RERE: variants seen among roughly 807,000 people sequenced by gnomAD.
RERE encodes arginine-glutamic acid dipeptide repeats.
Under a neutral mutation model 146.1 loss-of-function variants are expected in RERE, and 40 were observed. That is an observed-to-expected ratio of 0.27 (90% CI 0.21 to 0.36). RERE has a LOEUF of 0.36. RERE is among the 10% of genes least tolerant of loss of function. The pLI is 1.00. For synonymous variants in RERE, 1,003 were observed against 866.0 expected (o/e 1.16, Z -2.78); for missense variants, 1,933 against 2,138.7 (o/e 0.90, Z 1.90).
chr1:8,575,383 C>CT (rs57789307), intron 4 of RERE, among the ~76,000 whole-genome samples: 3,988 of 135,446 alleles, frequency 0.029, 101 homozygotes, highest in East Asian at 0.11. Context: ...AAAAAGTAAC[C>CT]TTTTTTTTTT....
chr1:8,646,232 T>G lies in RERE; in HGVS notation c.325+9741A>C, dbSNP rs183564266. ...CTCCCAATAGCTCAGAATGTGACCTTATTAAAGAACAGGTAAGGCCAGGCA... is the reference window on the plus strand; with the variant it reads ...CTCCCAATAGCTCAGAATGTGACCTGATTAAAGAACAGGTAAGGCCAGGCA... On this transcript the variant is annotated intron_variant, in intron 2 of 22. Transcript: ENST00000400908. 2.9e-3 allele frequency among the ~76,000 whole-genome samples: 448 copies of G among 152,242 alleles called. 4 individuals carry two copies. The highest frequency in any genetic ancestry group is 0.01 in the African/African-American group (427 of 41,536).
Position 8,560,496 on chromosome 1 carries a change from G to T in RERE, c.523-2973C>A, listed in dbSNP as rs149967355. Among the ~76,000 whole-genome samples, 71 of 152,304 alleles carry T rather than the reference G, an allele frequency of 4.7e-4. 1 individual carries two copies. Among genetic ancestry groups the T allele is most frequent in the African/African-American group, 1.7e-3 (69 of 41,568 alleles). Reference sequence around the variant, plus strand: ...GGTAGGGAAGATGGCCTACTGGAAAGAAGATGGGAAGGCCTGTGGCCCCCT... The same window carrying T: ...GGTAGGGAAGATGGCCTACTGGAAATAAGATGGGAAGGCCTGTGGCCCCCT... On this transcript the variant is annotated intron_variant, in intron 4 of 22. Coordinates refer to ENST00000400908, the MANE Select transcript of RERE (RefSeq NM_001042681.2).
chr1:8,504,009 G>T (rs987836851), intron 8 of RERE, among the ~76,000 whole-genome samples: 2 of 152,144 alleles, frequency 1.3e-5, no homozygotes, highest in Non-Finnish European at 2.9e-5. Context: ...GACAGAATTA[G>T]TATAAAGGCC....
intron 12 of RERE, among the ~76,000 whole-genome samples, chr1:8,408,545 T>G (rs908603970): frequency 3.9e-5 from 6 of 152,174 alleles, no homozygotes; most frequent in African/African-American, 1.4e-4. Flanking sequence ...GACTACTGTT[T>G]CGCACTGAAG....
chr1:8,408,022 T>G (rs1643500191), intron 12 of RERE, among the ~76,000 whole-genome samples: 1 of 152,178 alleles, frequency 6.6e-6, no homozygotes, highest in Non-Finnish European at 1.5e-5. Context: ...GCTTGTTACC[T>G]TCTATGAACG....
intron 11 of RERE, among the ~76,000 whole-genome samples, chr1:8,442,662 G>A (rs1644265312): frequency 6.6e-6 from 1 of 152,136 alleles, no homozygotes; most frequent in Non-Finnish European, 1.5e-5. Flanking sequence ...CCAGGAGTAG[G>A]GTACTGCTAT....
At chr1:8,465,620 C>T in intron 11 of RERE, 1 of 425,104 alleles carries the variant, frequency 2.4e-6, no homozygotes, top group South Asian at 1.9e-5. Flanking sequence ...GGAGGTATCA[C>T]AAGCTAGCTT....
chr1:8,634,330 C>T (rs975327615), intron 2 of RERE, among the ~76,000 whole-genome samples: 8 of 152,204 alleles, frequency 5.3e-5, no homozygotes, highest in Non-Finnish European at 1.2e-4. Flanking sequence ...TTTCTCCCCA[C>T]AAAATGAAGG....
intron 1 of RERE, among the ~76,000 whole-genome samples, chr1:8,781,763 C>A (rs1641169986): frequency 6.6e-6 from 1 of 151,442 alleles, no homozygotes. Flanking sequence ...GAGGCCTATT[C>A]CTTACAAAGA....
Position 8,793,281 on chromosome 1 carries a change from G to A in RERE, c.-145+23879C>T, listed in dbSNP as rs189146806. On this transcript the variant is annotated intron_variant, in intron 1 of 22. Coordinates refer to ENST00000400908, the MANE Select transcript of RERE (RefSeq NM_001042681.2). ...GCTGAGGCTCACCTTCATGACAGCTGTATCAAAGGCCTAAATTTCTAAGGC... is the reference window on the plus strand; with the variant it reads ...GCTGAGGCTCACCTTCATGACAGCTATATCAAAGGCCTAAATTTCTAAGGC... Among the ~76,000 whole-genome samples the A allele has an allele frequency of 8.6e-5, 13 of 152,012 alleles. No individual in the cohort carries two copies. In the East Asian group the frequency reaches 2.5e-3, roughly 29 times the overall value.
At chr1:8,545,260 C>T (rs1289532368) in intron 6 of RERE, among the ~76,000 whole-genome samples, 1 of 152,188 alleles carries the variant, frequency 6.6e-6, no homozygotes, top group East Asian at 1.9e-4. Flanking sequence ...CATGTGTTAG[C>T]ATCCTTTCAT....
At chr1:8,509,434 A>ATCCGTCCG (rs753386503) in intron 7 of RERE, among the ~76,000 whole-genome samples, 3 of 115,734 alleles carry the variant, frequency 2.6e-5, no homozygotes, top group African/African-American at 5.2e-5. Context: ...CCATCCATCC[A>ATCCGTCCG]TCCGTCCGTC....
rs929270802 is a variant in RERE at position 8,504,466 on chromosome 1, G to C, written c.879+4161C>G. ...CCACTGGTAACCATGGAAAGATAAG[G>C]GTGAAGTTTCATTTATTTGTACAAG... On this transcript the variant is annotated intron_variant, in intron 8 of 22. Coordinates refer to ENST00000400908, the MANE Select transcript of RERE (RefSeq NM_001042681.2). 2.6e-5 allele frequency among the ~76,000 whole-genome samples: 4 copies of C among 152,152 alleles called. No individual in the cohort carries two copies. The South Asian group carries it at 8.3e-4, about 32-fold the overall frequency.
At chr1:8,785,574 T>C (rs933019035) in intron 1 of RERE, among the ~76,000 whole-genome samples, 2 of 152,220 alleles carry the variant, frequency 1.3e-5, no homozygotes, top group South Asian at 2.1e-4. Flanking sequence ...ATCTATGACA[T>C]ACTTTGAAGA....
chr1:8,651,012 G>C (rs1483561174), intron 2 of RERE, among the ~76,000 whole-genome samples: 3 of 151,514 alleles, frequency 2.0e-5, no homozygotes, highest in Non-Finnish European at 4.4e-5. Flanking sequence ...CAGGAGAATT[G>C]CTTGAACCCA....
At chr1:8,445,935 G>A (rs1018842253) in intron 11 of RERE, among the ~76,000 whole-genome samples, 31 of 148,720 alleles carry the variant, frequency 2.1e-4, no homozygotes, top group Non-Finnish European at 3.4e-4. Flanking sequence ...TTGGTTTTCT[G>A]TCCTTGTGTT....
At chr1:8,506,613 T>C (rs1174265086) in intron 8 of RERE, among the ~76,000 whole-genome samples, 1 of 152,224 alleles carries the variant, frequency 6.6e-6, no homozygotes, top group African/African-American at 2.4e-5. Flanking sequence ...AGCTGTGGAT[T>C]CCCCAGCATC....
At chr1:8,575,547 ATATATATATATATATT>A (rs1355838942) in intron 4 of RERE, among the ~76,000 whole-genome samples, 1 of 62,952 alleles carries the variant, frequency 1.6e-5, no homozygotes, top group African/African-American at 8.0e-5. Context: ...ATATATATAT[ATATATATATATATATT>A]TTTTTTTTTT....
At chr1:8,701,848 G>A (rs1267181995) in intron 1 of RERE, among the ~76,000 whole-genome samples, 1 of 152,118 alleles carries the variant, frequency 6.6e-6, no homozygotes, top group African/African-American at 2.4e-5. Flanking sequence ...TGAAGCTGCT[G>A]TTAAGCATCT....
Sources: gnomAD v4.1 joint callset for allele counts (sites outside exome capture counted in the v4.1 genomes callset) on GRCh38, gnomAD v4.1.1 for gene constraint, MANE v1.5 for transcripts, NCBI Gene and HGNC (gene_info 2026-07-23, HGNC 2026-07-21) for gene names.